The following CLYBL variants were observed in gnomAD, a reference collection of about 807,000 sequenced individuals.
The protein encoded by CLYBL is citramalyl-CoA lyase, mitochondrial.
CLYBL carries 31 observed loss-of-function variants against 38.9 expected under a neutral mutation model. The ratio of observed to expected loss-of-function variants is 0.80; its 90% CI spans 0.60 to 1.08. CLYBL has a LOEUF of 1.08. Ranked by LOEUF, CLYBL falls within the 50% of genes least tolerant of loss-of-function variation. The pLI is 0.00. For synonymous variants in CLYBL, 171 were observed against 158.6 expected (o/e 1.08, Z -0.59); for missense variants, 434 against 411.6 (o/e 1.05, Z -0.47).
At chr13:99,774,376 A>G (rs2049465622) in intron 2 of CLYBL, among the ~76,000 whole-genome samples, 1 of 152,218 alleles carries the variant, frequency 6.6e-6, no homozygotes. Flanking sequence ...GATTCATTCA[A>G]TGATTAGTTG....
At chr13:99,758,329 C>A (rs1465851384) in intron 1 of CLYBL, among the ~76,000 whole-genome samples, 2 of 152,096 alleles carry the variant, frequency 1.3e-5, no homozygotes, top group Non-Finnish European at 2.9e-5. Context: ...TCTGGGATGG[C>A]ATATCTAAAA....
chr13:99,859,027 A>G lies in CLYBL; in HGVS notation c.416A>G (p.Glu139Gly). 1 of 1,613,572 alleles carries G rather than the reference A, an allele frequency of 6.2e-7. No homozygotes were observed. Among genetic ancestry groups the G allele is most frequent in the Non-Finnish European group, 8.5e-7 (1 of 1,179,808 alleles). The change falls in exon 3 of 9, where the codon GAA becomes GGA. Residue 139 changes from glutamate (E) to glycine (G), a missense_variant. Glu to Gly is a moderately conservative substitution (Grantham distance 98). Coordinates refer to ENST00000339105, the MANE Select transcript of CLYBL (RefSeq NM_206808.5). ...TCCAGCCTGATGCTACCAAAGGTGG[A>G]AAGTCCTGAAGAAATCCAGTGGGTG... ...LPSSLMLPKVESPEEIQWFAD... is the reference protein window; with the variant it reads ...LPSSLMLPKVGSPEEIQWFAD...
At chr13:99,823,298 G>A (rs1035113509) in intron 2 of CLYBL, among the ~76,000 whole-genome samples, 4 of 152,188 alleles carry the variant, frequency 2.6e-5, no homozygotes, top group Admixed American at 2.6e-4. Flanking sequence ...CTGGGCTCAA[G>A]TGATCTTCCT....
rs776298489 is a variant in CLYBL at position 99,864,883 on chromosome 13, TGGA to T, written c.611_613del (p.Gly204del). The T allele has an allele frequency of 3.0e-5, 49 of 1,613,924 alleles. No homozygotes were observed. Among genetic ancestry groups the T allele is most frequent in the Middle Eastern group, 3.3e-4 (2 of 6,084 alleles). ...GTCTCTTTCTAGATGCAGTCGTTTT[TGGA>T]GGAGAAGACTTTCGAGCCAGCATAG... On this transcript the variant is annotated inframe_deletion, in exon 5 of 9. Coordinates refer to ENST00000339105, the MANE Select transcript of CLYBL (RefSeq NM_206808.5).
chr13:99,792,388 C>A (rs2049935375), intron 2 of CLYBL, among the ~76,000 whole-genome samples: 1 of 152,112 alleles, frequency 6.6e-6, no homozygotes, highest in South Asian at 2.1e-4. Flanking sequence ...GTAGAGGGGG[C>A]AGGGGAAGCA....
intron 2 of CLYBL, among the ~76,000 whole-genome samples, chr13:99,787,354 T>C (rs2049818744): frequency 6.6e-6 from 1 of 152,204 alleles, no homozygotes; most frequent in African/African-American, 2.4e-5. Context: ...AAGTCTTTAA[T>C]CCATCTTGAA....
intron 1 of CLYBL, among the ~76,000 whole-genome samples, chr13:99,741,184 A>G (rs2048748637): frequency 6.6e-6 from 1 of 152,210 alleles, no homozygotes; most frequent in Admixed American, 6.5e-5. Flanking sequence ...AGTGGGAAAG[A>G]ACTGTAGGAC....
chr13:99,785,208 T>C (rs2138859790), intron 2 of CLYBL, among the ~76,000 whole-genome samples: 1 of 137,552 alleles, frequency 7.3e-6, no homozygotes, highest in East Asian at 2.2e-4. Flanking sequence ...TTTTTTTTTT[T>C]TTTTTTTTTT....
At chr13:99,648,393 G>A (rs144789010) in intron 1 of CLYBL, among the ~76,000 whole-genome samples, 12 of 152,332 alleles carry the variant, frequency 7.9e-5, no homozygotes, top group Admixed American at 2.6e-4. Context: ...ACAAGAGTGT[G>A]TAAGCAAAAT....
chr13:99,844,193 A>G (rs1012987362), intron 2 of CLYBL, among the ~76,000 whole-genome samples: 30 of 152,214 alleles, frequency 2.0e-4, no homozygotes, highest in Non-Finnish European at 3.7e-4. Flanking sequence ...AGGGTTCTGC[A>G]GACAAATGCA....
intron 1 of CLYBL, among the ~76,000 whole-genome samples, chr13:99,698,564 A>G (rs2048014147): frequency 6.6e-6 from 1 of 152,220 alleles, no homozygotes; most frequent in East Asian, 1.9e-4. Context: ...TCTCAGTTCC[A>G]GTTCTCATGT....
chr13:99,879,900 G>T (rs72656003), intron 7 of CLYBL, among the ~76,000 whole-genome samples: 4,557 of 152,036 alleles, frequency 0.03, 107 homozygotes, highest in Middle Eastern at 0.11. Context: ...TGGTCATGGG[G>T]CTGGTAATAA....
At chr13:99,853,646 CT>C (rs568712485) in intron 2 of CLYBL, among the ~76,000 whole-genome samples, 3 of 150,666 alleles carry the variant, frequency 2.0e-5, no homozygotes, top group South Asian at 2.1e-4. Flanking sequence ...ATTCATTTGC[CT>C]TTTTTTTTCA....
intron 2 of CLYBL, among the ~76,000 whole-genome samples, chr13:99,839,205 C>G (rs1594213698): frequency 6.6e-6 from 1 of 152,300 alleles, no homozygotes; most frequent in East Asian, 1.9e-4. Flanking sequence ...GGGGCATCAC[C>G]AAACCTGGGT....
Position 99,744,252 on chromosome 13 carries a change from G to A in CLYBL, c.63-28572G>A, listed in dbSNP as rs566719460. ...CTCCCAAAGTGCTGGGATTACAGGC[G>A]TGAGCCACCGCGCCCAGCTACACTC... On this transcript the variant is annotated intron_variant, in intron 1 of 8. Coordinates refer to ENST00000339105, the MANE Select transcript of CLYBL (RefSeq NM_206808.5). Among the ~76,000 whole-genome samples the A allele has an allele frequency of 3.1e-4, 47 of 152,148 alleles. No homozygotes were observed. In the South Asian group the frequency reaches 5.6e-3, roughly 18 times the overall value.
At chr13:99,760,116 G>A (rs1355314654) in intron 1 of CLYBL, among the ~76,000 whole-genome samples, 6 of 152,178 alleles carry the variant, frequency 3.9e-5, no homozygotes, top group Non-Finnish European at 5.9e-5. Context: ...GCATACAATT[G>A]TTCATAGTAC....
chr13:99,844,169 C>T (rs570978672), intron 2 of CLYBL, among the ~76,000 whole-genome samples: 20 of 152,224 alleles, frequency 1.3e-4, no homozygotes, highest in South Asian at 1.0e-3. Flanking sequence ...CACCGACCCT[C>T]GAGGGTGTAA....
intron 3 of CLYBL, among the ~76,000 whole-genome samples, chr13:99,860,453 C>T (rs2051573497): frequency 6.6e-6 from 1 of 152,152 alleles, no homozygotes; most frequent in African/African-American, 2.4e-5. Context: ...TTCTTCTCTC[C>T]AGGGTTACCC....
intron 1 of CLYBL, among the ~76,000 whole-genome samples, chr13:99,687,604 T>TA: frequency 6.6e-6 from 1 of 152,180 alleles, no homozygotes; most frequent in African/African-American, 2.4e-5. Flanking sequence ...AGGGAACCAT[T>TA]AAAGGGTTTT....
Sources: allele counts gnomAD v4.1 joint callset (sites outside exome capture counted in the v4.1 genomes callset), GRCh38; gene constraint gnomAD v4.1.1; transcripts MANE v1.5; gene names NCBI Gene and HGNC (gene_info 2026-07-23, HGNC 2026-07-21).